The following TMEM163 variants were observed in gnomAD, a reference collection of about 807,000 sequenced individuals.
TMEM163 encodes transmembrane protein 163.
A neutral mutation model predicts 29.3 loss-of-function variants in TMEM163; 17 were observed. That is an observed-to-expected ratio of 0.58 (90% CI 0.40 to 0.87). The LOEUF is 0.87. Among genes scored for constraint, TMEM163 ranks in the 40% least tolerant of loss-of-function variants. The pLI is 0.00. For missense variants in TMEM163, 303 were observed against 381.5 expected (o/e 0.79, Z 1.71); for synonymous variants, 157 against 160.6 (o/e 0.98, Z 0.17).
At chr2:134,603,175 T>C (rs1682273876) in intron 2 of TMEM163, among the ~76,000 whole-genome samples, 1 of 152,172 alleles carries the variant, frequency 6.6e-6, no homozygotes. Context: ...TGTCTCTTTC[T>C]GCTGGAAGAG....
intron 2 of TMEM163, among the ~76,000 whole-genome samples, chr2:134,563,999 C>T (rs1416518904): frequency 2.0e-5 from 3 of 152,006 alleles, no homozygotes; most frequent in Non-Finnish European, 2.9e-5. Context: ...TGCAGTGAGC[C>T]GAGATCATGC....
intron 5 of TMEM163, among the ~76,000 whole-genome samples, chr2:134,481,848 C>G (rs1294178425): frequency 6.6e-6 from 1 of 152,156 alleles, no homozygotes; most frequent in East Asian, 1.9e-4. Flanking sequence ...TCAAAGTCCA[C>G]AAGCAGCCTT....
chr2:134,718,314 C>G (rs900970861), intron 1 of TMEM163, among the ~76,000 whole-genome samples: 1 of 152,192 alleles, frequency 6.6e-6, no homozygotes, highest in Non-Finnish European at 1.5e-5. Flanking sequence ...AGGCAGCCGG[C>G]GGAGCCGCAG....
intron 4 of TMEM163, among the ~76,000 whole-genome samples, chr2:134,532,368 T>C (rs551714893): frequency 1.3e-5 from 2 of 152,234 alleles, no homozygotes; most frequent in Non-Finnish European, 2.9e-5. Flanking sequence ...CAGTAAAGCC[T>C]ATCTTCTTGA....
intron 5 of TMEM163, among the ~76,000 whole-genome samples, chr2:134,499,368 C>T (rs1404212955): frequency 2.0e-5 from 3 of 152,200 alleles, no homozygotes; most frequent in African/African-American, 4.8e-5. Context: ...ACACACATCC[C>T]GGCTTCCAGA....
intron 5 of TMEM163, among the ~76,000 whole-genome samples, chr2:134,481,340 T>G (rs1385511158): frequency 1.4e-5 from 2 of 146,260 alleles, no homozygotes; most frequent in African/African-American, 2.5e-5. Flanking sequence ...AATTCCCATG[T>G]GTTGTGGGAC....
chr2:134,680,366 A>T (rs1286901661), intron 2 of TMEM163, among the ~76,000 whole-genome samples: 1 of 151,654 alleles, frequency 6.6e-6, no homozygotes, highest in African/African-American at 2.4e-5. Flanking sequence ...AGACCTATAA[A>T]AAAAAAAAGC....
At chr2:134,475,173 T>A (rs1026078685) in intron 5 of TMEM163, among the ~76,000 whole-genome samples, 1 of 152,104 alleles carries the variant, frequency 6.6e-6, no homozygotes, top group Non-Finnish European at 1.5e-5. Flanking sequence ...CAGACAGACA[T>A]ACAGATCAAC....
At chr2:134,681,705 C>T (rs553560665) in intron 2 of TMEM163, among the ~76,000 whole-genome samples, 1 of 152,284 alleles carries the variant, frequency 6.6e-6, no homozygotes, top group Admixed American at 6.5e-5. Context: ...ACACTGCATT[C>T]CTCCTGATGA....
intron 6 of TMEM163, chr2:134,459,154 T>TC (rs1440194032): frequency 6.6e-6 from 1 of 152,056 alleles, no homozygotes; most frequent in Non-Finnish European, 1.5e-5. Context: ...GCCCGTAACC[T>TC]CCCACGCCAG....
intron 2 of TMEM163, among the ~76,000 whole-genome samples, chr2:134,686,996 T>C (rs559670825): frequency 3.9e-5 from 6 of 152,332 alleles, no homozygotes; most frequent in East Asian, 1.9e-4. Context: ...TTTTTCACAA[T>C]GGGCAATAAG....
intron 4 of TMEM163, among the ~76,000 whole-genome samples, chr2:134,538,856 G>A (rs535465599): frequency 7.9e-5 from 12 of 152,296 alleles, no homozygotes; most frequent in Admixed American, 5.9e-4. Flanking sequence ...GCTGGGTGGT[G>A]AAGGCTACAG....
chr2:134,554,447 A>AG (rs1204685766), intron 2 of TMEM163, among the ~76,000 whole-genome samples: 9 of 148,250 alleles, frequency 6.1e-5, no homozygotes, highest in Admixed American at 1.3e-4. Flanking sequence ...AAAAAAAAAA[A>AG]AGAGAGAGAG....
chr2:134,663,125 A>T (rs1248940901), intron 2 of TMEM163, among the ~76,000 whole-genome samples: 2 of 152,234 alleles, frequency 1.3e-5, no homozygotes, highest in East Asian at 3.8e-4. Context: ...AACAAAAAAA[A>T]CTTTGCTACA....
chr2:134,686,752 A>C (rs1108035), intron 2 of TMEM163, among the ~76,000 whole-genome samples: 1 of 152,156 alleles, frequency 6.6e-6, no homozygotes, highest in Admixed American at 6.5e-5. Context: ...CCCTACTTGC[A>C]AGGTAACAAG....
chr2:134,615,276 G>C (rs1682584590), intron 2 of TMEM163, among the ~76,000 whole-genome samples: 1 of 152,204 alleles, frequency 6.6e-6, no homozygotes, highest in South Asian at 2.1e-4. Flanking sequence ...TGCTAAAATA[G>C]AAGCAAGAAC....
At chr2:134,463,033 A>T (rs1444469007) in intron 6 of TMEM163, among the ~76,000 whole-genome samples, 1 of 152,066 alleles carries the variant, frequency 6.6e-6, no homozygotes, top group Non-Finnish European at 1.5e-5. Context: ...CCTGCTATGG[A>T]CTCACCACTG....
intron 2 of TMEM163, among the ~76,000 whole-genome samples, chr2:134,669,732 C>T (rs925238285): frequency 1.3e-5 from 2 of 152,220 alleles, no homozygotes; most frequent in Non-Finnish European, 1.5e-5. Context: ...CAAGGCAAAT[C>T]GGCTTCCACC....
chr2:134,658,695 T>C (rs915099350), intron 2 of TMEM163, among the ~76,000 whole-genome samples: 1 of 152,086 alleles, frequency 6.6e-6, no homozygotes, highest in Non-Finnish European at 1.5e-5. Flanking sequence ...CCTCCCGGGT[T>C]CAAGCCATTC....
Sources: allele counts gnomAD v4.1 joint callset (sites outside exome capture counted in the v4.1 genomes callset), GRCh38; gene constraint gnomAD v4.1.1; transcripts MANE v1.5; gene names NCBI Gene and HGNC (gene_info 2026-07-23, HGNC 2026-07-21).